Variants in ANKRD36B observed in about 807,000 individuals in gnomAD.
ANKRD36B encodes ankyrin repeat domain 36B.
ANKRD36B carries 37 observed loss-of-function variants against 135.7 expected under a neutral mutation model. The observed-to-expected ratio is 0.27, with a 90% confidence interval of 0.21 to 0.36. The LOEUF is 0.36. Ranked by LOEUF, ANKRD36B falls within the 10% of genes least tolerant of loss-of-function variation. The probability of loss-of-function intolerance (pLI) is 1.00; values close to 1 mark genes in which losing one functional copy is unlikely to be tolerated. For synonymous variants in ANKRD36B, 179 were observed against 348.1 expected (o/e 0.51, Z 5.41); for missense variants, 549 against 1,037.1 (o/e 0.53, Z 6.46).
intron 14 of ANKRD36B, among the ~76,000 whole-genome samples, chr2:97,554,649 G>T (rs541214037): frequency 1.3e-5 from 2 of 151,828 alleles, no homozygotes; most frequent in South Asian, 2.1e-4. Flanking sequence ...GTTAGTTCTC[G>T]TTCTACAATT....
intron 35 of ANKRD36B, chr2:97,524,639 G>C (rs894078543): frequency 1.0e-5 from 1 of 96,382 alleles, no homozygotes; most frequent in African/African-American, 3.1e-5. Flanking sequence ...ACAATCAGGT[G>C]AATCATTTGT....
At chr2:97,544,402 T>G (rs1217636580) in intron 24 of ANKRD36B, among the ~76,000 whole-genome samples, 1 of 94,826 alleles carries the variant, frequency 1.1e-5, no homozygotes, top group African/African-American at 3.1e-5. Flanking sequence ...GTACAAACAT[T>G]CATCATGCTC....
chr2:97,552,882 A>G (rs1383659122), intron 16 of ANKRD36B, among the ~76,000 whole-genome samples: 2 of 151,914 alleles, frequency 1.3e-5, no homozygotes, highest in African/African-American at 4.8e-5. Context: ...TTAAAGCAAA[A>G]CTATGCTGCT....
intron 43 of ANKRD36B, among the ~76,000 whole-genome samples, chr2:97,497,066 G>A (rs930612638): frequency 4.9e-5 from 1 of 20,328 alleles, no homozygotes; most frequent in Non-Finnish European, 1.3e-4. Flanking sequence ...ATCTGCACAA[G>A]GCAAATTAAA....
intron 3 of ANKRD36B, among the ~76,000 whole-genome samples, chr2:97,581,606 C>T (rs1476134244): frequency 2.0e-5 from 3 of 151,726 alleles, no homozygotes; most frequent in Non-Finnish European, 2.9e-5. Context: ...AATCTTAGGA[C>T]CCTGGTACAT....
intron 16 of ANKRD36B, among the ~76,000 whole-genome samples, chr2:97,552,232 T>C (rs1431091711): frequency 6.6e-6 from 1 of 151,998 alleles, no homozygotes; most frequent in African/African-American, 2.4e-5. Context: ...AAGCATTAGA[T>C]ATTAATCACT....
At chr2:97,558,746 A>T (rs1447073503) in intron 10 of ANKRD36B, 53 bp downstream of exon 10, 16 of 1,605,874 alleles carry the variant, frequency 1.0e-5, no homozygotes, top group Non-Finnish European at 1.3e-5. Context: ...GGGGAAGAGA[A>T]GTACTTTTCT....
chr2:97,562,239 C>T (rs1335656611), intron 6 of ANKRD36B, among the ~76,000 whole-genome samples: 1 of 151,634 alleles, frequency 6.6e-6, no homozygotes, highest in Non-Finnish European at 1.5e-5. Flanking sequence ...ACCAATATGA[C>T]ATAATACATA....
At chr2:97,555,479 T>C (rs1315962961) in intron 12 of ANKRD36B, among the ~76,000 whole-genome samples, 4 of 151,918 alleles carry the variant, frequency 2.6e-5, no homozygotes, top group Non-Finnish European at 5.9e-5. Flanking sequence ...ATTTTTCATA[T>C]GTCTAAAACT....
rs2079078347 is a variant in ANKRD36B at position 97,540,120 on chromosome 2, G to A, written c.1915-14C>T. ...ATCACCTGTAGTCTGAATGGAATTT[G>A]AAACAAAATAATAAATAAATAAAGT... On this transcript the variant is annotated splice_polypyrimidine_tract_variant and intron_variant, in intron 29 of 43. Transcript: ENST00000359901. 1.1e-6 allele frequency: 1 copy of A among 939,558 alleles called. No homozygotes were observed. The highest frequency in any genetic ancestry group is 1.7e-5 in the African/African-American group (1 of 58,300). The allele number at this position is 939,558 out of a possible 1,614,324, so 58.2% of individuals were successfully genotyped here. A position where few individuals can be genotyped will look rare whatever the true frequency, so the allele number is the denominator to read the frequency against.
intron 15 of ANKRD36B, 34 bp downstream of exon 15, chr2:97,553,309 T>A: frequency 6.2e-7 from 1 of 1,608,554 alleles, no homozygotes; most frequent in Non-Finnish European, 8.5e-7. Context: ...ACTATAGATT[T>A]ACTAGTTCAC....
At chr2:97,551,226 A>G in intron 18 of ANKRD36B, 63 bp downstream of exon 18, 1 of 1,529,034 alleles carries the variant, frequency 6.5e-7, no homozygotes, top group Non-Finnish European at 8.8e-7. Context: ...CCACTGATTT[A>G]TTCGGGGAAG....
intron 8 of ANKRD36B, among the ~76,000 whole-genome samples, chr2:97,559,450 G>A (rs571177225): frequency 6.6e-6 from 1 of 151,666 alleles, no homozygotes; most frequent in Non-Finnish European, 1.5e-5. Context: ...ACACAATTAC[G>A]ATGACAATTC....
At position 97,585,266 on chromosome 2, in the gene ANKRD36B, G is replaced by A; in HGVS notation, c.276+18C>T. On this transcript the variant is annotated intron_variant, in intron 2 of 43. Transcript: ENST00000359901. Reference sequence around the variant, plus strand: ...CAACCAAATCCATCTCATGCTCAAAGAGTCAGCTACTATGTACCTTGATCA... The same window carrying A: ...CAACCAAATCCATCTCATGCTCAAAAAGTCAGCTACTATGTACCTTGATCA... 1 of 1,587,446 alleles carries A rather than the reference G, an allele frequency of 6.3e-7. No individual in the cohort carries two copies. Among genetic ancestry groups the A allele is most frequent in the Non-Finnish European group, 8.6e-7 (1 of 1,164,840 alleles).
rs1447917261 is a variant in ANKRD36B at position 97,524,923 on chromosome 2, A to AT, written c.2266-1457dup. 8 of 97,706 alleles carry AT rather than the reference A, an allele frequency of 8.2e-5. 4 individuals are homozygous for AT. Among genetic ancestry groups the AT allele is most frequent in the Non-Finnish European group, 1.6e-4 (6 of 36,654 alleles). 6.1% of individuals were successfully genotyped at this position (97,706 alleles called of 1,614,324 possible). On this transcript the variant is annotated intron_variant, in intron 35 of 43. Transcript: ENST00000359901. ...CTAGTTGTTGAGACAATTTTTGCAC[A>AT]TGCAAAAGTGGAAGATAAATTTGCT...
At chr2:97,539,678 C>T (rs2079051939) in intron 30 of ANKRD36B, 2 of 128,036 alleles carry the variant, frequency 1.6e-5, no homozygotes, top group East Asian at 1.4e-4. Flanking sequence ...TTTAGGAACG[C>T]GATGTGATAT....
intron 43 of ANKRD36B, among the ~76,000 whole-genome samples, chr2:97,496,833 G>GTATATATGTA (rs2077313526): frequency 1.6e-5 from 1 of 62,102 alleles, no homozygotes; most frequent in African/African-American, 8.8e-5. Context: ...ATATGTGTGT[G>GTATATATGTA]TATATATATA....
chr2:97,557,238 T>G (rs1342086547), intron 10 of ANKRD36B, 106 bp from the exon 11 acceptor site: 2 of 1,458,266 alleles, frequency 1.4e-6, no homozygotes, highest in Non-Finnish European at 1.8e-6. Flanking sequence ...CCTGCACTAG[T>G]GTAGGATTTG....
At position 97,551,467 on chromosome 2, in the gene ANKRD36B, T is replaced by C. The variant is rs1223587819; in HGVS notation, c.1287A>G (p.Lys429=). The change falls in exon 17 of 44, where the codon AAA becomes AAG. Residue 429 remains lysine (K), a synonymous_variant. Transcript: ENST00000359901. ...GTTTCATTACCTTCAAGGCTGGTTT[T>C]TTCTGAGAAGACACTGAAAAGCAAA... The part of the protein sequence containing the change: ...GEKSGTVSSQ[K]KPALKATSDE... 1 of 1,607,508 alleles carries C rather than the reference T, an allele frequency of 6.2e-7. No homozygotes were observed. Among genetic ancestry groups the C allele is most frequent in the African/African-American group, 1.3e-5 (1 of 74,680 alleles).
Sources: allele counts gnomAD v4.1 joint callset (sites outside exome capture counted in the v4.1 genomes callset), GRCh38; gene constraint gnomAD v4.1.1; transcripts MANE v1.5; gene names NCBI Gene and HGNC (gene_info 2026-07-23, HGNC 2026-07-21).